WDR20: variants seen among roughly 807,000 people sequenced by gnomAD.
WDR20 encodes the protein WD repeat-containing protein 20.
WDR20 carries 3 observed loss-of-function variants against 38.7 expected under a neutral mutation model. The ratio of observed to expected loss-of-function variants is 0.08; its 90% CI spans 0.04 to 0.20. WDR20 has a LOEUF of 0.20. Ranked by LOEUF, WDR20 falls within the 10% of genes least tolerant of loss-of-function variation. The probability of loss-of-function intolerance (pLI) is 1.00; values close to 1 mark genes in which losing one functional copy is unlikely to be tolerated. For missense variants in WDR20, 559 were observed against 727.7 expected, an observed-to-expected ratio of 0.77 and a Z score of 2.67; for synonymous variants, 298 against 285.6, an observed-to-expected ratio of 1.04 and a Z score of -0.44.
intron 1 of WDR20, among the ~76,000 whole-genome samples, chr14:102,184,436 G>A (rs1037058284): frequency 1.3e-5 from 2 of 152,202 alleles, no homozygotes; most frequent in Non-Finnish European, 2.9e-5. Flanking sequence ...TTAGGAAAAA[G>A]TGACATGTGA....
At chr14:102,140,894 G>C (rs1357312538) in intron 1 of WDR20, among the ~76,000 whole-genome samples, 1 of 152,178 alleles carries the variant, frequency 6.6e-6, no homozygotes, top group East Asian at 1.9e-4. Flanking sequence ...AACTAAGCTG[G>C]TTCAGAGGGG....
intron 1 of WDR20, among the ~76,000 whole-genome samples, chr14:102,192,998 T>TA (rs57269658): frequency 0.014 from 2,028 of 140,860 alleles, 18 homozygotes; most frequent in Middle Eastern, 0.047. Flanking sequence ...TTAAGCAAAC[T>TA]AAAAAAAAAA....
intron 1 of WDR20, among the ~76,000 whole-genome samples, chr14:102,193,031 CT>C (rs2058776303): frequency 6.7e-6 from 1 of 150,300 alleles, no homozygotes; most frequent in African/African-American, 2.4e-5. Context: ...GTTGAATATG[CT>C]GATACAGTAA....
At chr14:102,200,467 T>G (rs1190558) in intron 2 of WDR20, among the ~76,000 whole-genome samples, 12,113 of 117,654 alleles carry the variant, frequency 0.1, 588 homozygotes, top group Middle Eastern at 0.13. Flanking sequence ...ATTTTTTTTT[T>G]TGTGTGTGTG....
intron 1 of WDR20, among the ~76,000 whole-genome samples, chr14:102,154,897 GGAA>G (rs1189753869): frequency 6.6e-6 from 1 of 152,136 alleles, no homozygotes; most frequent in Non-Finnish European, 1.5e-5. Flanking sequence ...CCTACTTTAT[GGAA>G]GAAGAAATGG....
In WDR20 at chr14:102,186,951, G is replaced by GAA. The variant is rs574674544; in HGVS notation, c.250-7987_250-7986insAA. On this transcript the variant is annotated intron_variant, in intron 1 of 2. Transcript: ENST00000342702. ...GGGGACAGAACGAGACTCTGTCTCAGGAAAAAAAAAAAAGTTCCACCAAGA... is the reference window on the plus strand; with the variant it reads ...GGGGACAGAACGAGACTCTGTCTCAGAAGAAAAAAAAAAAAGTTCCACCAAGA... 5.4e-3 allele frequency among the ~76,000 whole-genome samples: 666 copies of GAA among 123,900 alleles called. 6 individuals carry two copies. The highest frequency in any genetic ancestry group is 0.029 in the African/African-American group (618 of 21,104). The allele number at this position is 123,900 out of a possible 152,430, so 81.3% of individuals were successfully genotyped here.
At chr14:102,192,431 A>C (rs557818128) in intron 1 of WDR20, among the ~76,000 whole-genome samples, 88 of 152,168 alleles carry the variant, frequency 5.8e-4, no homozygotes, top group Non-Finnish European at 1.0e-3. Flanking sequence ...CACCCGCCTC[A>C]GCCTCCCAAA....
Position 102,168,109 on chromosome 14 carries a change from C to A in WDR20, c.250-26829C>A, listed in dbSNP as rs891579768. On this transcript the variant is annotated intron_variant, in intron 1 of 2. Coordinates refer to ENST00000342702, the MANE Select transcript of WDR20 (RefSeq NM_144574.4). ...TCTCTCTACTGTATTTCTCTCTTCC[C>A]CCCACTTCCCATACATCTCCCATAT... Among the ~76,000 whole-genome samples, 5 of 152,148 alleles carry A rather than the reference C, an allele frequency of 3.3e-5. No homozygotes were observed. The South Asian group carries it at 1.0e-3, about 31-fold the overall frequency.
At chr14:102,216,617 AC>A (rs1474709470), downstream of WDR20, among the ~76,000 whole-genome samples, 14 of 152,294 alleles carry the variant, frequency 9.2e-5, no homozygotes, top group East Asian at 2.1e-3. Flanking sequence ...GCTAGTTTGT[AC>A]CTTCAAAAAA....
rs1403068139 is a variant in WDR20, at chr14:102,207,835, A to G, written c.433-768A>G. ...GCAAGACTACTGACATACGCCTGTT[A>G]AAGAAACATCTCGGTCAGGGGTCCA... is the stretch of plus-strand genomic sequence containing the variant. On this transcript the variant is annotated intron_variant, in intron 2 of 2. Coordinates refer to ENST00000342702, the MANE Select transcript of WDR20 (RefSeq NM_144574.4). The surrounding 1 kb of genome is among the most constrained non-coding windows in gnomAD (Gnocchi z 5.0). Among the ~76,000 whole-genome samples, 2 of 152,190 alleles carry G rather than the reference A, an allele frequency of 1.3e-5. No homozygotes were observed. The highest frequency in any genetic ancestry group is 2.9e-5 in the Non-Finnish European group (2 of 68,026).
At chr14:102,197,848 G>T (rs1327759343) in intron 2 of WDR20, 3 of 701,708 alleles carry the variant, frequency 4.3e-6, no homozygotes, top group African/African-American at 1.7e-5. Flanking sequence ...AACTGTCCAG[G>T]TGAGAGCTGA....
Position 102,140,013 on chromosome 14 carries a change from G to A in WDR20, c.90G>A (p.Ser30=), listed in dbSNP as rs535319759. Residue 30 remains serine (S), a synonymous_variant, in exon 1 of 3, where the codon TCG becomes TCA. Transcript: ENST00000342702. ...GTCTGTACAAGCTGCTGCCGCACTC[G>A]GAGTACAGCCGGCCCAACCGGGTGC... ...REGLYKLLPH[S]EYSRPNRVPF... 4 of 1,614,164 alleles carry A rather than the reference G, an allele frequency of 2.5e-6. No individual in the cohort carries two copies. Among genetic ancestry groups the A allele is most frequent in the Middle Eastern group, 3.3e-4 (2 of 6,062 alleles).
rs565596248 is a variant in WDR20 at position 102,169,620 on chromosome 14, C to T, written c.250-25318C>T. 1.2e-4 allele frequency among the ~76,000 whole-genome samples: 18 copies of T among 152,208 alleles called. 1 individual carries two copies. Among genetic ancestry groups the T allele is most frequent in the Admixed American group, 3.3e-4 (5 of 15,296 alleles). On this transcript the variant is annotated intron_variant, in intron 1 of 2. Coordinates refer to ENST00000342702, the MANE Select transcript of WDR20 (RefSeq NM_144574.4). ...AATGCTCACTGCAAGCTCTGCCTCC[C>T]GGGTTCAAGTGGTCCTCCTGCCTCA...
downstream of WDR20, chr14:102,212,389 C>A: frequency 9.9e-7 from 1 of 1,008,502 alleles, no homozygotes; most frequent in Non-Finnish European, 1.5e-6. Context: ...AGCACTGTGC[C>A]AGCCTGGGGA....
chr14:102,176,127 G>T (rs753704587), intron 1 of WDR20, among the ~76,000 whole-genome samples: 1 of 152,196 alleles, frequency 6.6e-6, no homozygotes, highest in East Asian at 1.9e-4. Flanking sequence ...GGAAACGGTG[G>T]CTCACGCCTG....
intron 1 of WDR20, among the ~76,000 whole-genome samples, chr14:102,191,982 T>A (rs1232815689): frequency 6.6e-6 from 1 of 152,226 alleles, no homozygotes; most frequent in Non-Finnish European, 1.5e-5. Flanking sequence ...TATCATTACA[T>A]TCAACAGATA....
At chr14:102,200,460 TTTTTTTTTGTGTGTGTGTG>T (rs1252795775) in intron 2 of WDR20, among the ~76,000 whole-genome samples, 36 of 109,308 alleles carry the variant, frequency 3.3e-4, no homozygotes, top group South Asian at 9.0e-4. Context: ...TTTTTAAATT[TTTTTTTTTGTGTGTGTGTG>T]TGTGTGTGTG....
At chr14:102,146,457 C>G (rs1485838321) in intron 1 of WDR20, among the ~76,000 whole-genome samples, 1 of 152,080 alleles carries the variant, frequency 6.6e-6, no homozygotes, top group Non-Finnish European at 1.5e-5. Flanking sequence ...ATCACCATGC[C>G]CGGCTAGAAG....
intron 1 of WDR20, among the ~76,000 whole-genome samples, chr14:102,179,895 G>A (rs944387319): frequency 2.6e-5 from 4 of 152,208 alleles, no homozygotes; most frequent in Admixed American, 1.3e-4. Context: ...GCTCACGCCT[G>A]TAATCCCAGC....
Sources: gnomAD v4.1 joint callset for allele counts (sites outside exome capture counted in the v4.1 genomes callset) on GRCh38, gnomAD v4.1.1 for gene constraint, Gnocchi (gnomAD v3.1) non-coding constraint, MANE v1.5 for transcripts, NCBI Gene and HGNC (gene_info 2026-07-23, HGNC 2026-07-21) for gene names.